APBA1: variants seen among roughly 807,000 people sequenced by gnomAD.
APBA1 encodes amyloid-beta A4 precursor protein-binding family A member 1.
A neutral mutation model predicts 86.6 loss-of-function variants in APBA1; 55 were observed. The ratio of observed to expected loss-of-function variants is 0.64; its 90% CI spans 0.51 to 0.80. APBA1 has a LOEUF of 0.80. Ranked by LOEUF, APBA1 falls within the 30% of genes least tolerant of loss-of-function variation. APBA1 has a pLI of 0.00. For missense variants in APBA1, 1,090 were observed against 1,183.0 expected (o/e 0.92, Z 1.15); for synonymous variants, 511 against 493.9 (o/e 1.03, Z -0.46).
chr9:69,633,151 A>AT (rs1195052666), intron 1 of APBA1, among the ~76,000 whole-genome samples: 1 of 137,006 alleles, frequency 7.3e-6, no homozygotes, highest in Non-Finnish European at 1.6e-5. Flanking sequence ...TTTTTTTATT[A>AT]TTTTTTTAAA....
At chr9:69,630,724 A>C (rs1177857865) in intron 1 of APBA1, among the ~76,000 whole-genome samples, 1 of 152,064 alleles carries the variant, frequency 6.6e-6, no homozygotes, top group Non-Finnish European at 1.5e-5. Context: ...CAATACCACC[A>C]TCCTCATTTT....
chr9:69,447,724 T>C (rs143695746), intron 10 of APBA1, among the ~76,000 whole-genome samples: 3 of 152,274 alleles, frequency 2.0e-5, no homozygotes, highest in East Asian at 3.9e-4. Flanking sequence ...GCTTGTACAA[T>C]GGGTACAAAA....
At chr9:69,661,392 C>T (rs187144451) in intron 1 of APBA1, among the ~76,000 whole-genome samples, 2 of 152,304 alleles carry the variant, frequency 1.3e-5, no homozygotes, top group East Asian at 1.9e-4. Flanking sequence ...TTGACCCCAG[C>T]GGCCCTGTGC....
intron 1 of APBA1, among the ~76,000 whole-genome samples, chr9:69,582,640 A>G (rs1821935268): frequency 6.6e-6 from 1 of 151,884 alleles, no homozygotes; most frequent in South Asian, 2.1e-4. Flanking sequence ...CTCTGCTTCT[A>G]CCCTACTGGC....
upstream of APBA1, chr9:69,672,665 C>A (rs4744930): frequency 0.8 from 121,601 of 151,666 alleles, 50,769 homozygotes; most frequent in East Asian, 0.97. Flanking sequence ...CCTTCCCTCG[C>A]GTCCGGGTTC....
At chr9:69,522,285 G>A (rs931602180) in intron 1 of APBA1, among the ~76,000 whole-genome samples, 9 of 151,982 alleles carry the variant, frequency 5.9e-5, no homozygotes, top group Non-Finnish European at 1.0e-4. Flanking sequence ...ACTGAAAAAG[G>A]AAAAATCTTT....
At chr9:69,670,807 T>C (rs1032183729) in intron 1 of APBA1, among the ~76,000 whole-genome samples, 1 of 152,194 alleles carries the variant, frequency 6.6e-6, no homozygotes, top group Non-Finnish European at 1.5e-5. Context: ...GCAGGGACTT[T>C]ACTGACCTGG....
chr9:69,525,591 C>A (rs1836330302), intron 1 of APBA1, among the ~76,000 whole-genome samples: 1 of 151,708 alleles, frequency 6.6e-6, no homozygotes, highest in Admixed American at 6.6e-5. Flanking sequence ...ATAGATGACA[C>A]AAACAAAGGG....
intron 5 of APBA1, chr9:69,464,462 CA>C (rs1266709130): frequency 1.3e-5 from 2 of 152,086 alleles, no homozygotes; most frequent in African/African-American, 4.8e-5. Context: ...CTATGTTTTC[CA>C]AATGCCTATT....
At chr9:69,567,066 AT>A (rs553121482) in intron 1 of APBA1, among the ~76,000 whole-genome samples, 2 of 151,742 alleles carry the variant, frequency 1.3e-5, no homozygotes, top group African/African-American at 2.4e-5. Context: ...TACTGTTTGA[AT>A]TTTTTTTTAC....
intron 1 of APBA1, among the ~76,000 whole-genome samples, chr9:69,670,260 C>G (rs977892133): frequency 1.3e-5 from 2 of 151,912 alleles, no homozygotes; most frequent in South Asian, 2.1e-4. Context: ...TGTGGATAGC[C>G]CTAGTTTTAT....
At chr9:69,666,841 T>C (rs1823849365) in intron 1 of APBA1, among the ~76,000 whole-genome samples, 2 of 152,218 alleles carry the variant, frequency 1.3e-5, no homozygotes, top group African/African-American at 2.4e-5. Context: ...AGGCAACTCA[T>C]TCGATGTCCA....
chr9:69,606,560 C>T (rs1235176041), intron 1 of APBA1, among the ~76,000 whole-genome samples: 1 of 129,926 alleles, frequency 7.7e-6, no homozygotes, highest in East Asian at 2.6e-4. Context: ...GGCACGATCT[C>T]GGCTCACTGC....
chr9:69,541,807 A>G (rs1205854843), intron 1 of APBA1, among the ~76,000 whole-genome samples: 1 of 152,114 alleles, frequency 6.6e-6, no homozygotes, highest in Non-Finnish European at 1.5e-5. Context: ...TTTCCTCTTG[A>G]ATTAATAAGT....
intron 1 of APBA1, among the ~76,000 whole-genome samples, chr9:69,635,653 G>T (rs1823142135): frequency 6.6e-6 from 1 of 151,894 alleles, no homozygotes; most frequent in African/African-American, 2.4e-5. Context: ...AATGGAAAAA[G>T]ATACTCCATG....
intron 10 of APBA1, among the ~76,000 whole-genome samples, chr9:69,447,461 C>T (rs1395395927): frequency 6.6e-6 from 1 of 152,178 alleles, no homozygotes; most frequent in Non-Finnish European, 1.5e-5. Context: ...TGGGGCTGTC[C>T]TGTGCATTGT....
At chr9:69,543,850 C>T in intron 1 of APBA1, among the ~76,000 whole-genome samples, 1 of 152,190 alleles carries the variant, frequency 6.6e-6, no homozygotes, top group East Asian at 1.9e-4. Context: ...CCCTGCTTAA[C>T]CTAATGGGTT....
At chr9:69,580,438 C>T (rs935384567) in intron 1 of APBA1, among the ~76,000 whole-genome samples, 1 of 152,112 alleles carries the variant, frequency 6.6e-6, no homozygotes, top group Non-Finnish European at 1.5e-5. Context: ...GGACAGAGGA[C>T]AGACACTGAG....
At chr9:69,604,530 C>G (rs1206933032) in intron 1 of APBA1, among the ~76,000 whole-genome samples, 90 of 68,688 alleles carry the variant, frequency 1.3e-3, no homozygotes, top group Middle Eastern at 0.018. Flanking sequence ...ATGAGGGTAA[C>G]AGGAGAGGCA....
Sources: gnomAD v4.1 joint callset for allele counts (sites outside exome capture counted in the v4.1 genomes callset) on GRCh38, gnomAD v4.1.1 for gene constraint, MANE v1.5 for transcripts, NCBI Gene and HGNC (gene_info 2026-07-23, HGNC 2026-07-21) for gene names.